Variants in CR2 observed in about 807,000 individuals in gnomAD.
The protein encoded by CR2 is complement receptor type 2.
A neutral mutation model predicts 123.0 loss-of-function variants in CR2; 96 were observed. That is an observed-to-expected ratio of 0.78 (90% CI 0.66 to 0.93). The LOEUF (loss-of-function observed/expected upper bound fraction) is 0.93. Among genes scored for constraint, CR2 ranks in the 40% least tolerant of loss-of-function variants. The probability of loss-of-function intolerance (pLI) is 0.00; values close to 1 mark genes in which losing one functional copy is unlikely to be tolerated. For synonymous variants in CR2, 484 were observed against 469.5 expected (o/e 1.03, Z -0.40); for missense variants, 1,258 against 1,361.0 (o/e 0.92, Z 1.19).
intron 1 of CR2, among the ~76,000 whole-genome samples, chr1:207,466,227 T>C (rs1241110031): frequency 6.6e-6 from 1 of 152,204 alleles, no homozygotes; most frequent in Non-Finnish European, 1.5e-5. Context: ...TATGTTATTT[T>C]CATGTGCTGA....
intron 9 of CR2, 130 bp downstream of exon 9, chr1:207,471,629 A>G (rs1658284621): frequency 1.2e-5 from 9 of 736,726 alleles, no homozygotes; most frequent in Non-Finnish European, 2.0e-5. Context: ...GCCAATAGTT[A>G]TGGTTGCACA....
Position 207,468,498 on chromosome 1 carries a change from C to T in CR2, c.446-29C>T, listed in dbSNP as rs1558189969. 7 of 1,608,330 alleles carry T rather than the reference C, an allele frequency of 4.4e-6. No individual in the cohort carries two copies. In the Admixed American group the frequency reaches 6.7e-5, roughly 15 times the overall value. ...TTGTGAAGGATGCATCATCTGACGG[C>T]TTTTTTTTCCTGGTATGTGTGTGTA... On this transcript the variant is annotated intron_variant, in intron 2 of 19. Transcript: ENST00000367057.
intron 1 of CR2, among the ~76,000 whole-genome samples, chr1:207,456,221 C>T (rs927817335): frequency 3.9e-5 from 6 of 152,154 alleles, no homozygotes; most frequent in Admixed American, 6.5e-5. Context: ...GTCTTGTATG[C>T]GCTGCTCATG....
In CR2 at chr1:207,469,171, T is replaced by C. The variant is rs1239481063; in HGVS notation, c.756T>C (p.Pro252=). The C allele has an allele frequency of 6.2e-7, 1 of 1,613,838 alleles. No individual in the cohort carries two copies. Among genetic ancestry groups the C allele is most frequent in the Non-Finnish European group, 8.5e-7 (1 of 1,179,854 alleles). ...CCAGGTATCGACTGCAAGGCCCACC[T>C]TCTAGTCGGTGTGTAATTGCTGGAC... The part of the protein sequence containing the change: ...CDEGYRLQGP[P]SSRCVIAGQG... Residue 252 remains proline, a synonymous_variant, in exon 5 of 20, where the codon CCT becomes CCC. Coordinates refer to ENST00000367057, the MANE Select transcript of CR2 (RefSeq NM_001006658.3).
At chr1:207,474,704 TTTAAG>T in intron 13 of CR2, 115 bp from the exon 14 acceptor site, 4 of 1,129,828 alleles carry the variant, frequency 3.5e-6, no homozygotes, top group South Asian at 1.3e-5. Flanking sequence ...TATTCCAAAA[TTTAAG>T]TTATTTTCTA....
Position 207,475,053 on chromosome 1 carries a change from A to T in CR2, c.2553A>T (p.Glu851Asp), listed in dbSNP as rs1658396055. 4 of 1,613,618 alleles carry T rather than the reference A, an allele frequency of 2.5e-6. No individual in the cohort carries two copies. The highest frequency in any genetic ancestry group is 3.4e-6 in the Non-Finnish European group (4 of 1,179,704). ...SPPVTRCPNP[E>D]VKHGYKLNKT... ...CTGTGACTCGCTGCCCTAATCCAGA[A>T]GTCAAACATGGGTACAAGCTCAATA... The change falls in exon 14 of 20, where the codon GAA becomes GAT. Residue 851 changes from glutamate (E) to aspartate (D), a missense_variant. By Grantham distance (45) the Glu-to-Asp change is conservative. Transcript: ENST00000367057.
At chr1:207,477,266 G>A (rs1468073868) in intron 15 of CR2, among the ~76,000 whole-genome samples, 1 of 152,218 alleles carries the variant, frequency 6.6e-6, no homozygotes, top group Non-Finnish European at 1.5e-5. Context: ...TGGCAGGCAA[G>A]AGAGCGTGTG....
chr1:207,477,119 A>C (rs9429938), intron 15 of CR2, among the ~76,000 whole-genome samples: 8,136 of 152,286 alleles, frequency 0.053, 746 homozygotes, highest in African/African-American at 0.19. Context: ...CCATTCTCAC[A>C]CTGCTAATAA....
chr1:207,485,372 A>G, intron 18 of CR2, 92 bp from the exon 19 acceptor site: 1 of 792,472 alleles, frequency 1.3e-6, no homozygotes, highest in Non-Finnish European at 2.2e-6. Flanking sequence ...AGTACTTACC[A>G]TGTGTTGGGA....
rs977819471 is a variant in CR2, at chr1:207,454,572, T to G, written c.58+96T>G. On this transcript the variant is annotated intron_variant, in intron 1 of 19. Transcript: ENST00000367057. The surrounding 1 kb of genome is among the most constrained non-coding windows in gnomAD (Gnocchi z 4.3). ...AAGCAGGGGGCCAAAAGCGAGACGG[T>G]GGGGGCAGTGCTCGACGCGTGTCCG... 17 of 957,604 alleles carry G rather than the reference T, an allele frequency of 1.8e-5. No homozygotes were observed. The Admixed American group carries it at 1.9e-4, about 11-fold the overall frequency. The allele number at this position is 957,604 out of a possible 1,614,324, so 59.3% of individuals were successfully genotyped here.
intron 15 of CR2, 96 bp from the exon 16 acceptor site, chr1:207,477,789 G>T (rs984809283): frequency 2.0e-6 from 2 of 1,002,326 alleles, no homozygotes; most frequent in South Asian, 1.4e-5. Context: ...AGTGAAACAG[G>T]TTGGTTTTAT....
chr1:207,485,546 GCCAGC>G lies in CR2; in HGVS notation c.3272_3276del (p.Ala1091ValfsTer19). On this transcript the variant is annotated frameshift_variant, in exon 19 of 20. Coordinates refer to ENST00000367057, the MANE Select transcript of CR2 (RefSeq NM_001006658.3). LOFTEE classifies it high-confidence loss of function. The stretch of plus-strand genomic sequence containing the variant: ...ATATTCTGTTGATCCATACAACCCA[GCCAGC>G]TGATCAGAAGACAAACTGGTGGTAT... 1 of 1,608,168 alleles carries G rather than the reference GCCAGC, an allele frequency of 6.2e-7. No individual in the cohort carries two copies. Among genetic ancestry groups the G allele is most frequent in the Non-Finnish European group, 8.5e-7 (1 of 1,174,678 alleles).
intron 9 of CR2, 77 bp downstream of exon 9, chr1:207,471,576 A>T (rs1572956029): frequency 9.9e-7 from 1 of 1,014,864 alleles, no homozygotes; most frequent in Non-Finnish European, 1.6e-6. Flanking sequence ...GTTTTGGGAC[A>T]TGTTATGAGA....
rs1028410970 is a variant in CR2, at chr1:207,482,199, C to G, written c.3188+2146C>G. ...TTAAAATCACTGAAAAATCTTGTTT[C>G]CCTTCTTTAAGCATATTTTTATATC... is the stretch of plus-strand genomic sequence containing the variant. On this transcript the variant is annotated intron_variant, in intron 18 of 19. Coordinates refer to ENST00000367057, the MANE Select transcript of CR2 (RefSeq NM_001006658.3). Among the ~76,000 whole-genome samples, 20 of 152,088 alleles carry G rather than the reference C, an allele frequency of 1.3e-4. No individual in the cohort carries two copies. The South Asian group carries it at 3.5e-3, about 27-fold the overall frequency.
At chr1:207,477,762 C>A in intron 15 of CR2, 123 bp from the exon 16 acceptor site, 1 of 778,418 alleles carries the variant, frequency 1.3e-6, no homozygotes, top group Non-Finnish European at 2.2e-6. Flanking sequence ...TATTTCAGTG[C>A]AGCTTTCCTT....
At position 207,454,664 on chromosome 1, in the gene CR2, C is replaced by T; in HGVS notation, c.58+188C>T. 1 of 529,822 alleles carries T rather than the reference C, an allele frequency of 1.9e-6. No individual in the cohort carries two copies. Among genetic ancestry groups the T allele is most frequent in the Non-Finnish European group, 3.3e-6 (1 of 303,096 alleles). The allele number at this position is 529,822 out of a possible 1,614,324, so 32.8% of individuals were successfully genotyped here. A position where few individuals can be genotyped will look rare whatever the true frequency, so the allele number is the denominator to read the frequency against. ...GTCCTGATTGTCCCCACTGGCCCCTCCGGGAGCTGGGACCTCCAGAATTGG... is the reference window on the plus strand; with the variant it reads ...GTCCTGATTGTCCCCACTGGCCCCTTCGGGAGCTGGGACCTCCAGAATTGG... On this transcript the variant is annotated intron_variant, in intron 1 of 19. Transcript: ENST00000367057. The surrounding 1 kb of genome is among the most constrained non-coding windows in gnomAD (Gnocchi z 4.3).
chr1:207,467,567 A>C (rs995100388), intron 2 of CR2, among the ~76,000 whole-genome samples: 1 of 152,208 alleles, frequency 6.6e-6, no homozygotes, highest in Non-Finnish European at 1.5e-5. Flanking sequence ...CAAAAATTAT[A>C]CTATCAAATT....
chr1:207,470,726 G>A lies in CR2; in HGVS notation c.1226-14G>A, dbSNP rs761039132. On this transcript the variant is annotated splice_polypyrimidine_tract_variant and intron_variant, in intron 6 of 19. Transcript: ENST00000367057. ...ACTTAAGCAGTTATGTTTTGTTTTT[G>A]TCCTTTCATTTAGAATGCCAGGCCC... The A allele has an allele frequency of 1.9e-6, 3 of 1,613,294 alleles. No individual in the cohort carries two copies. The highest frequency in any genetic ancestry group is 1.7e-6 in the Non-Finnish European group (2 of 1,179,542).
At chr1:207,472,469 T>C (rs957123493) in intron 9 of CR2, among the ~76,000 whole-genome samples, 2 of 152,212 alleles carry the variant, frequency 1.3e-5, no homozygotes, top group Non-Finnish European at 2.9e-5. Context: ...CTGTGTCTTT[T>C]ATTCTCCTAT....
Sources: allele counts gnomAD v4.1 joint callset (sites outside exome capture counted in the v4.1 genomes callset), GRCh38; gene constraint gnomAD v4.1.1; non-coding constraint Gnocchi (gnomAD v3.1); transcripts MANE v1.5; gene names NCBI Gene and HGNC (gene_info 2026-07-23, HGNC 2026-07-21).